WDR27: variants seen among roughly 807,000 people sequenced by gnomAD.
The protein encoded by WDR27 is WD repeat-containing protein 27.
Under a neutral mutation model 114.4 loss-of-function variants are expected in WDR27, and 100 were observed. The observed-to-expected ratio is 0.87, with a 90% confidence interval of 0.74 to 1.03. The LOEUF (loss-of-function observed/expected upper bound fraction) is 1.03, where lower values mean the gene tolerates loss of function less well. Among genes scored for constraint, WDR27 ranks in the 50% least tolerant of loss-of-function variants. The probability of loss-of-function intolerance (pLI) is 0.00; values close to 1 mark genes in which losing one functional copy is unlikely to be tolerated. For synonymous variants in WDR27, 449 were observed against 423.1 expected (o/e 1.06, Z -0.75); for missense variants, 1,129 against 1,092.9 (o/e 1.03, Z -0.47).
chr6:169,698,786 G>A (rs866296067), intron 1 of WDR27, among the ~76,000 whole-genome samples: 10 of 152,344 alleles, frequency 6.6e-5, no homozygotes, highest in Admixed American at 6.5e-5. Context: ...GCTGAGGAGA[G>A]GGGCCACGGT....
chr6:169,437,465 T>A, the WDR27 span, among the ~76,000 whole-genome samples: 2 of 152,184 alleles, frequency 1.3e-5, no homozygotes, highest in African/African-American at 2.4e-5. Flanking sequence ...TTTTCTTATT[T>A]TACAGTTTCT....
intron 21 of WDR27, among the ~76,000 whole-genome samples, chr6:169,629,214 A>G (rs1047147272): frequency 9.2e-5 from 14 of 152,218 alleles, no homozygotes; most frequent in African/African-American, 3.4e-4. Context: ...TAAACCTTGC[A>G]TGTTATTTTT....
intron 25 of WDR27, among the ~76,000 whole-genome samples, chr6:169,529,338 T>G (rs1795326215): frequency 7.2e-6 from 1 of 139,826 alleles, no homozygotes. Context: ...CTAATGCTAA[T>G]AAGCTATTGT....
At chr6:169,528,774 G>A (rs976655927) in intron 25 of WDR27, among the ~76,000 whole-genome samples, 4 of 152,142 alleles carry the variant, frequency 2.6e-5, no homozygotes, top group East Asian at 3.9e-4. Flanking sequence ...TGATCCGCCC[G>A]CTTCAGCCTC....
In WDR27 at chr6:169,668,158, G is replaced by C. The variant is rs550761168; in HGVS notation, c.484C>G (p.Arg162Gly). 1.9e-6 allele frequency: 3 copies of C among 1,613,986 alleles called. No homozygotes were observed. In the South Asian group the frequency reaches 3.3e-5, roughly 18 times the overall value. Reference protein sequence around the residue: ...EQRFSVTYIERPDVNNRHKVP... With the variant: ...EQRFSVTYIEGPDVNNRHKVP... Reference sequence around the variant, plus strand: ...TTGTGGCGGTTATTAACATCAGGACGTTCTATGTATGTCACAGAAAATCGC... The same window carrying C: ...TTGTGGCGGTTATTAACATCAGGACCTTCTATGTATGTCACAGAAAATCGC... The change falls in exon 5 of 26, where the codon CGT becomes GGT. Residue 162 changes from arginine (R) to glycine (G), a missense_variant. Coordinates refer to ENST00000448612, the MANE Select transcript of WDR27 (RefSeq NM_182552.5).
intron 24 of WDR27, 53 bp downstream of exon 24, chr6:169,582,783 A>T: frequency 7.3e-7 from 1 of 1,379,254 alleles, no homozygotes; most frequent in Non-Finnish European, 1.0e-6. Flanking sequence ...ACAAAAATAT[A>T]ATGTAAGACT....
intron 1 of WDR27, among the ~76,000 whole-genome samples, chr6:169,690,774 C>T (rs987634841): frequency 3.9e-5 from 6 of 152,198 alleles, no homozygotes; most frequent in African/African-American, 1.4e-4. Flanking sequence ...AGAAGTCTGA[C>T]ATTCCAGTGC....
intron 7 of WDR27, chr6:169,664,746 GT>G (rs1392630630): frequency 1.0e-6 from 1 of 996,204 alleles, no homozygotes; most frequent in African/African-American, 1.7e-5. Flanking sequence ...TCCAGGCTTT[GT>G]GAAATGAACT....
the WDR27 span, among the ~76,000 whole-genome samples, chr6:169,444,592 C>A: frequency 6.6e-6 from 1 of 152,156 alleles, no homozygotes; most frequent in East Asian, 1.9e-4. Flanking sequence ...CTCCAGAGAC[C>A]CAAGCCAGTG....
rs759957539 is a variant in WDR27 at position 169,660,777 on chromosome 6, GA to G, written c.1026-12del. 1.9e-6 allele frequency: 3 copies of G among 1,608,062 alleles called. No homozygotes were observed. The Admixed American group carries it at 5.0e-5, about 27-fold the overall frequency. On this transcript the variant is annotated splice_polypyrimidine_tract_variant and intron_variant, in intron 9 of 25. Coordinates refer to ENST00000448612, the MANE Select transcript of WDR27 (RefSeq NM_182552.5). ...TTCTCAGAAGAAAGACTGATTTAAG[GA>G]AAAAAAGAAAAGAATACACAATAAT...
chr6:169,443,715 A>T, the WDR27 span, among the ~76,000 whole-genome samples: 1 of 152,230 alleles, frequency 6.6e-6, no homozygotes, highest in Non-Finnish European at 1.5e-5. Context: ...GCCTGATGTC[A>T]TCGCTCAGCC....
At chr6:169,612,037 G>A (rs1164052704) in intron 22 of WDR27, among the ~76,000 whole-genome samples, 1 of 152,008 alleles carries the variant, frequency 6.6e-6, no homozygotes, top group African/African-American at 2.4e-5. Flanking sequence ...TTAGGAGGCT[G>A]AGGCAGGAGA....
chr6:169,589,258 C>T (rs1030766061), intron 23 of WDR27, among the ~76,000 whole-genome samples: 9 of 152,176 alleles, frequency 5.9e-5, no homozygotes, highest in African/African-American at 2.2e-4. Context: ...AGGTTAACAG[C>T]AGCAAGTACT....
chr6:169,482,895 A>G (rs1421594977), intron 25 of WDR27, among the ~76,000 whole-genome samples: 1 of 152,214 alleles, frequency 6.6e-6, no homozygotes, highest in African/African-American at 2.4e-5. Context: ...TCCAAACCAT[A>G]CAATTACATG....
chr6:169,482,154 T>C (rs1023289800), intron 25 of WDR27, among the ~76,000 whole-genome samples: 4 of 152,244 alleles, frequency 2.6e-5, no homozygotes, highest in African/African-American at 2.4e-5. Flanking sequence ...TTACATAGTA[T>C]TCTATGGTGT....
the WDR27 span, among the ~76,000 whole-genome samples, chr6:169,438,360 C>T: frequency 6.6e-6 from 1 of 151,674 alleles, no homozygotes; most frequent in Non-Finnish European, 1.5e-5. Context: ...GCCTCAGCCT[C>T]CCAAGTAGCT....
chr6:169,564,503 G>C (rs2128119180), intron 25 of WDR27, among the ~76,000 whole-genome samples: 1 of 152,232 alleles, frequency 6.6e-6, no homozygotes, highest in East Asian at 1.9e-4. Flanking sequence ...GAGGCTGTGA[G>C]AGCCTGCACT....
intron 22 of WDR27, among the ~76,000 whole-genome samples, chr6:169,606,527 T>C (rs139514826): frequency 0.014 from 2,092 of 152,292 alleles, 44 homozygotes; most frequent in African/African-American, 0.047. Flanking sequence ...TGTGTTCTCA[T>C]TGTTCAGCTC....
At chr6:169,571,534 A>G (rs1285369378) in intron 25 of WDR27, among the ~76,000 whole-genome samples, 1 of 152,208 alleles carries the variant, frequency 6.6e-6, no homozygotes, top group Non-Finnish European at 1.5e-5. Context: ...CAACCACTCA[A>G]AAACTGCATT....
Sources: allele counts gnomAD v4.1 joint callset (sites outside exome capture counted in the v4.1 genomes callset), GRCh38; gene constraint gnomAD v4.1.1; transcripts MANE v1.5; gene names NCBI Gene and HGNC (gene_info 2026-07-23, HGNC 2026-07-21).